NEBL: variants seen among roughly 807,000 people sequenced by gnomAD.
The protein encoded by NEBL is LIM and SH3 protein 2.
Under a neutral mutation model 140.2 loss-of-function variants are expected in NEBL, and 122 were observed. That is an observed-to-expected ratio of 0.87 (90% confidence interval 0.75 to 1.01). The LOEUF (loss-of-function observed/expected upper bound fraction) is 1.01. NEBL is among the 50% of genes least tolerant of loss of function. The pLI is 0.00. For synonymous variants in NEBL, 436 were observed against 398.9 expected, an observed-to-expected ratio of 1.09 and a Z score of -1.11; for missense variants, 1,365 against 1,231.3, an observed-to-expected ratio of 1.11 and a Z score of -1.62.
intron 2 of NEBL, among the ~76,000 whole-genome samples, chr10:21,049,585 C>T (rs1834676856): frequency 1.3e-5 from 2 of 152,102 alleles, no homozygotes; most frequent in Admixed American, 6.5e-5. Flanking sequence ...CTTCTCATTC[C>T]TAGAAAACAC....
At position 20,858,359 on chromosome 10, in the gene NEBL, T is replaced by C. The variant is rs371051911; in HGVS notation, c.799-15A>G. On this transcript the variant is annotated splice_polypyrimidine_tract_variant and intron_variant, in intron 8 of 27. Coordinates refer to ENST00000377122, the MANE Select transcript of NEBL (RefSeq NM_006393.3). ...TTGTACTTCACCTATGAAAATAACA[T>C]GGAACAAAATACCATCGAGGAGAAG... The C allele has an allele frequency of 3.3e-6, 5 of 1,526,698 alleles. No individual in the cohort carries two copies. The highest frequency in any genetic ancestry group is 2.3e-5 in the East Asian group (1 of 44,416). The allele number at this position is 1,526,698 out of a possible 1,614,324, so 94.6% of individuals were successfully genotyped here. A position where few individuals can be genotyped will look rare whatever the true frequency, so the allele number is the denominator to read the frequency against.
intron 2 of NEBL, among the ~76,000 whole-genome samples, chr10:21,053,397 G>A (rs940539672): frequency 6.6e-6 from 1 of 152,180 alleles, no homozygotes; most frequent in African/African-American, 2.4e-5. Context: ...ACACTCACAA[G>A]AGTCTGAAAG....
intron 16 of NEBL, among the ~76,000 whole-genome samples, chr10:20,830,794 C>T (rs574909107): frequency 1.2e-4 from 18 of 150,718 alleles, no homozygotes; most frequent in African/African-American, 3.4e-4. Context: ...CACAATGGCT[C>T]ATGCCCACTG....
At chr10:21,158,954 C>G (rs1174091158) in intron 2 of NEBL, among the ~76,000 whole-genome samples, 1 of 152,102 alleles carries the variant, frequency 6.6e-6, no homozygotes, top group East Asian at 1.9e-4. Flanking sequence ...CCCACTTTGT[C>G]TTTAGAATTG....
intron 4 of NEBL, among the ~76,000 whole-genome samples, chr10:20,882,329 A>T (rs1846087272): frequency 6.6e-6 from 1 of 151,774 alleles, no homozygotes; most frequent in Admixed American, 6.6e-5. Context: ...AAGAGGGGAG[A>T]GGAGAGAGGA....
At chr10:20,909,742 G>C (rs904461059) in intron 4 of NEBL, among the ~76,000 whole-genome samples, 1 of 151,940 alleles carries the variant, frequency 6.6e-6, no homozygotes, top group Admixed American at 6.6e-5. Flanking sequence ...AGAGTATTAG[G>C]AGAAATTCAC....
chr10:21,081,379 T>C (rs1021578529), intron 2 of NEBL, among the ~76,000 whole-genome samples: 2 of 152,148 alleles, frequency 1.3e-5, no homozygotes, highest in Non-Finnish European at 2.9e-5. Context: ...AGGCTTGTTA[T>C]GCACAGGAGG....
intron 7 of NEBL, among the ~76,000 whole-genome samples, chr10:20,863,794 A>G (rs1316677105): frequency 1.3e-5 from 2 of 152,306 alleles, no homozygotes; most frequent in South Asian, 2.1e-4. Flanking sequence ...ATACACGTAT[A>G]TATTATGCAA....
chr10:20,792,737 T>G (rs533823917), intron 26 of NEBL, among the ~76,000 whole-genome samples: 2 of 151,892 alleles, frequency 1.3e-5, no homozygotes, highest in African/African-American at 4.8e-5. Context: ...GAAGAGGAGG[T>G]TGCAGTGAGC....
chr10:20,832,203 G>A (rs1377552310), intron 14 of NEBL, among the ~76,000 whole-genome samples: 4 of 152,158 alleles, frequency 2.6e-5, no homozygotes, highest in Non-Finnish European at 5.9e-5. Flanking sequence ...GGATCTGCTG[G>A]ACTCAATAAA....
chr10:21,265,870 G>A (rs371089392), intron 1 of NEBL, among the ~76,000 whole-genome samples: 5 of 152,272 alleles, frequency 3.3e-5, no homozygotes, highest in African/African-American at 9.6e-5. Context: ...TACAAAATGG[G>A]TGGTGGCTGG....
intron 7 of NEBL, among the ~76,000 whole-genome samples, chr10:20,867,319 G>A (rs1005616257): frequency 2.6e-5 from 4 of 151,952 alleles, no homozygotes; most frequent in Non-Finnish European, 5.9e-5. Context: ...TCATTTGTTC[G>A]GGACTTATTT....
chr10:21,004,443 G>T (rs140509078), intron 3 of NEBL, among the ~76,000 whole-genome samples: 1 of 152,022 alleles, frequency 6.6e-6, no homozygotes, highest in African/African-American at 2.4e-5. Context: ...CACCTGGGCC[G>T]GGCACGGTGG....
intron 1 of NEBL, among the ~76,000 whole-genome samples, chr10:21,277,570 T>C (rs921581868): frequency 6.6e-6 from 1 of 152,178 alleles, no homozygotes; most frequent in Non-Finnish European, 1.5e-5. Flanking sequence ...AGTGATAGGA[T>C]CAATAACATG....
At chr10:21,119,180 T>C in intron 2 of NEBL, among the ~76,000 whole-genome samples, 1 of 152,148 alleles carries the variant, frequency 6.6e-6, no homozygotes, top group African/African-American at 2.4e-5. Context: ...TAATAACATG[T>C]CATTTTCTCA....
At chr10:20,880,955 G>T in intron 4 of NEBL, 51 bp from the exon 5 acceptor site, 1 of 1,433,534 alleles carries the variant, frequency 7.0e-7, no homozygotes, top group Non-Finnish European at 9.8e-7. Flanking sequence ...ATAAATTCTT[G>T]CCTGCTAATT....
intron 3 of NEBL, among the ~76,000 whole-genome samples, chr10:21,247,111 C>T (rs1456223153): frequency 6.6e-6 from 1 of 152,124 alleles, no homozygotes; most frequent in Non-Finnish European, 1.5e-5. Flanking sequence ...TTTGCCCTTC[C>T]TCCATGATTG....
At chr10:21,057,588 C>A (rs1342901552) in intron 2 of NEBL, among the ~76,000 whole-genome samples, 3 of 118,552 alleles carry the variant, frequency 2.5e-5, no homozygotes, top group Admixed American at 2.5e-4. Flanking sequence ...CTGGCTCTGT[C>A]GCCCAGGCTG....
At chr10:20,799,126 T>C (rs1564334000) in intron 26 of NEBL, among the ~76,000 whole-genome samples, 1 of 152,196 alleles carries the variant, frequency 6.6e-6, no homozygotes, top group Admixed American at 6.5e-5. Context: ...AAATAATTCA[T>C]TTTTCTAATG....
Sources: allele counts gnomAD v4.1 joint callset (sites outside exome capture counted in the v4.1 genomes callset), GRCh38; gene constraint gnomAD v4.1.1; transcripts MANE v1.5; gene names NCBI Gene and HGNC (gene_info 2026-07-23, HGNC 2026-07-21).